The following SHCBP1L variants were observed in gnomAD, a reference collection of about 807,000 sequenced individuals.
SHCBP1L encodes the protein SHC binding and spindle associated 1 like.
A neutral mutation model predicts 62.5 loss-of-function variants in SHCBP1L; 67 were observed. That is an observed-to-expected ratio of 1.07 (90% CI 0.88 to 1.31). SHCBP1L has a LOEUF of 1.31. Among genes scored for constraint, SHCBP1L ranks in the 40% most tolerant of loss-of-function variants. The probability of loss-of-function intolerance (pLI) is 0.00; values close to 1 mark genes in which losing one functional copy is unlikely to be tolerated. For missense variants in SHCBP1L, 823 were observed against 809.8 expected (o/e 1.02, Z -0.20); for synonymous variants, 284 against 289.4 (o/e 0.98, Z 0.19).
chr1:182,909,913 GT>G (rs1343036426), intron 6 of SHCBP1L, among the ~76,000 whole-genome samples: 1 of 152,192 alleles, frequency 6.6e-6, no homozygotes, highest in Non-Finnish European at 1.5e-5. Context: ...ATCACAGTGA[GT>G]AGAGGAATAA....
chr1:182,932,754 C>G (rs1022822508), intron 5 of SHCBP1L, among the ~76,000 whole-genome samples: 12 of 152,310 alleles, frequency 7.9e-5, no homozygotes, highest in African/African-American at 2.9e-4. Context: ...TTCAGCCTCC[C>G]AAAGTGCTGG....
chr1:182,941,648 A>G (rs1316945846), intron 2 of SHCBP1L, among the ~76,000 whole-genome samples: 2 of 152,194 alleles, frequency 1.3e-5, no homozygotes, highest in Non-Finnish European at 2.9e-5. Context: ...AGTGCACACA[A>G]TTCTGACAGG....
At chr1:182,930,594 T>TATATATATAA (rs1196006204) in intron 5 of SHCBP1L, among the ~76,000 whole-genome samples, 2 of 99,896 alleles carry the variant, frequency 2.0e-5, no homozygotes, top group South Asian at 3.2e-4. Flanking sequence ...TATATATATA[T>TATATATATAA]ACACATATAT....
intron 5 of SHCBP1L, among the ~76,000 whole-genome samples, chr1:182,935,015 T>C (rs1032027600): frequency 1.3e-5 from 2 of 152,110 alleles, no homozygotes; most frequent in Non-Finnish European, 2.9e-5. Flanking sequence ...AGGACTCTAT[T>C]TATGGACTCT....
chr1:182,936,875 C>T (rs576398563), intron 5 of SHCBP1L, among the ~76,000 whole-genome samples: 1 of 151,724 alleles, frequency 6.6e-6, no homozygotes, highest in African/African-American at 2.4e-5. Context: ...ATAGTGAGAC[C>T]CTGCCTCCAC....
intron 6 of SHCBP1L, among the ~76,000 whole-genome samples, chr1:182,929,284 A>C (rs1459985186): frequency 1.3e-5 from 2 of 152,208 alleles, no homozygotes; most frequent in Admixed American, 6.5e-5. Flanking sequence ...ATTCTGTGTC[A>C]TAATTGTAAC....
intron 5 of SHCBP1L, among the ~76,000 whole-genome samples, chr1:182,930,727 A>AT (rs71127328): frequency 0.55 from 11,457 of 21,012 alleles, 4,481 homozygotes; most frequent in Non-Finnish European, 0.67. Flanking sequence ...ATATATATGT[A>AT]TTTTTTTTTT....
chr1:182,939,217 C>G lies in SHCBP1L; in HGVS notation c.1035G>C (p.Met345Ile). The change falls in exon 5 of 10, where the codon ATG (methionine) becomes ATC (isoleucine). Residue 345 changes from methionine to isoleucine, a missense_variant. Met to Ile is a conservative substitution (Grantham distance 10, BLOSUM62 1). Coordinates refer to ENST00000367547, the MANE Select transcript of SHCBP1L (RefSeq NM_030933.4). ...ECWKKYYEIV[M>I]LCGLLKMWED... Reference sequence around the variant, plus strand: ...CCCACATTTTCAGTAATCCACAGAGCATGACTATCTCATAGTATTTTTTCC... The same window carrying G: ...CCCACATTTTCAGTAATCCACAGAGGATGACTATCTCATAGTATTTTTTCC... 2 of 1,613,908 alleles carry G rather than the reference C, an allele frequency of 1.2e-6. No homozygotes were observed. Among genetic ancestry groups the G allele is most frequent in the African/African-American group, 1.3e-5 (1 of 75,040 alleles).
rs1341515340 is a variant in SHCBP1L, at chr1:182,924,978, A to AAAGAAAGAAAGAAAG, written c.1182+4668_1182+4669insCTTTCTTTCTTTCTT. Among the ~76,000 whole-genome samples the AAAGAAAGAAAGAAAG allele has an allele frequency of 2.3e-3, 164 of 72,604 alleles. 4 individuals carry two copies. The highest frequency in any genetic ancestry group is 9.4e-3 in the African/African-American group (132 of 14,062). The allele number at this position is 72,604 out of a possible 152,430, so 47.6% of individuals were successfully genotyped here. On this transcript the variant is annotated intron_variant, in intron 6 of 9. Transcript: ENST00000367547. Reference sequence around the variant, plus strand: ...AGAAAGAAAGAAAGAAAGAAAGAAAAAAAAAGGAAGAAGGAAAGGAAGGAA... The same window carrying AAAGAAAGAAAGAAAG: ...AGAAAGAAAGAAAGAAAGAAAGAAAAAAGAAAGAAAGAAAGAAAAAGGAAGAAGGAAAGGAAGGAA...
At chr1:182,932,622 G>A (rs982864358) in intron 5 of SHCBP1L, among the ~76,000 whole-genome samples, 23 of 151,832 alleles carry the variant, frequency 1.5e-4, no homozygotes, top group Non-Finnish European at 3.1e-4. Context: ...AGCCTCCCAA[G>A]TAGCTGGGAC....
At chr1:182,943,275 ATTTTT>A (rs767553592) in intron 2 of SHCBP1L, among the ~76,000 whole-genome samples, 3 of 79,096 alleles carry the variant, frequency 3.8e-5, no homozygotes, top group African/African-American at 5.0e-5. Flanking sequence ...ACCATTCTTG[ATTTTT>A]TTTTTTTTTT....
chr1:182,934,297 A>G (rs1273302090), intron 5 of SHCBP1L, among the ~76,000 whole-genome samples: 3 of 152,150 alleles, frequency 2.0e-5, no homozygotes. Flanking sequence ...ACCATTTTGC[A>G]TTCTAACCAA....
rs1164377476 is a variant in SHCBP1L at position 182,931,943 on chromosome 1, A to ATT, written c.1077-2193_1077-2192dup. On this transcript the variant is annotated intron_variant, in intron 5 of 9. Transcript: ENST00000367547. ...CTCCCTTAATACTTGGGAACCACTG[A>ATT]TTTTTTTTTTTTTTTTTTTTTTTTT... 6.0e-3 allele frequency among the ~76,000 whole-genome samples: 416 copies of ATT among 69,664 alleles called. 23 individuals are homozygous for ATT. The highest frequency in any genetic ancestry group is 0.016 in the Middle Eastern group (1 of 64). 45.7% of individuals were successfully genotyped at this position (69,664 alleles called of 152,430 possible).
intron 2 of SHCBP1L, chr1:182,942,341 G>C (rs1003771822): frequency 8.8e-6 from 7 of 795,140 alleles, no homozygotes; most frequent in Admixed American, 3.4e-5. Flanking sequence ...CAACCGCCCC[G>C]ATCTCCTGTT....
chr1:182,938,981 A>G (rs1430482870), intron 5 of SHCBP1L, among the ~76,000 whole-genome samples, 195 bp downstream of exon 5: 1 of 152,228 alleles, frequency 6.6e-6, no homozygotes, highest in Non-Finnish European at 1.5e-5. Context: ...TTTTGGTCAA[A>G]AAAAACAATG....
chr1:182,944,477 G>C (rs372383405), intron 2 of SHCBP1L: 1 of 149,822 alleles, frequency 6.7e-6, no homozygotes, highest in East Asian at 1.9e-4. Context: ...GTTCAGAGTG[G>C]TATGGCCGTA....
chr1:182,939,546 A>G lies in SHCBP1L; in HGVS notation c.778T>C (p.Tyr260His). The G allele has an allele frequency of 6.2e-7, 1 of 1,600,126 alleles. No homozygotes were observed. Among genetic ancestry groups the G allele is most frequent in the Non-Finnish European group, 8.5e-7 (1 of 1,174,434 alleles). The change falls in exon 4 of 10, where the codon TAT (tyrosine) becomes CAT (histidine). Residue 260 changes from tyrosine to histidine, a missense_variant. Physicochemically the swap from Tyr to His is moderately conservative, Grantham distance 83. Transcript: ENST00000367547. ...TCCCAGTCTCTCCAAAGAAAGTCAT[A>G]AAAAAACCTACGATAAACCAAATTA... ...ALALEVVRFFYDFLWRDWDDE... is the reference protein window; with the variant it reads ...ALALEVVRFFHDFLWRDWDDE...
intron 6 of SHCBP1L, among the ~76,000 whole-genome samples, chr1:182,924,937 A>AAGAAAGAAAGAAG (rs1412471637): frequency 8.6e-6 from 1 of 115,720 alleles, no homozygotes; most frequent in Admixed American, 7.9e-5. Context: ...GAAGGAAGGA[A>AAGAAAGAAAGAAG]GAAAGAAAGA....
intron 9 of SHCBP1L, among the ~76,000 whole-genome samples, chr1:182,900,890 A>G (rs965939397): frequency 6.6e-6 from 1 of 152,198 alleles, no homozygotes; most frequent in Non-Finnish European, 1.5e-5. Flanking sequence ...AAGAAAAAAA[A>G]AGTGTAAGAA....
Sources: gnomAD v4.1 joint callset for allele counts (sites outside exome capture counted in the v4.1 genomes callset) on GRCh38, gnomAD v4.1.1 for gene constraint, MANE v1.5 for transcripts, NCBI Gene and HGNC (gene_info 2026-07-23, HGNC 2026-07-21) for gene names.